The following EXT2 variants were observed in gnomAD, a reference collection of about 807,000 sequenced individuals.
The protein encoded by EXT2 is exostosin-2.
EXT2 carries 53 observed loss-of-function variants against 81.6 expected under a neutral mutation model. The observed-to-expected ratio is 0.65, with a 90% CI of 0.52 to 0.82. EXT2 has a LOEUF of 0.82. Ranked by LOEUF, EXT2 falls within the 40% of genes least tolerant of loss-of-function variation. The pLI, the probability that EXT2 is intolerant of heterozygous loss-of-function variation, is 0.00. For synonymous variants in EXT2, 320 were observed against 340.0 expected (o/e 0.94, Z 0.65); for missense variants, 774 against 910.2 (o/e 0.85, Z 1.93).
intron 1 of EXT2, among the ~76,000 whole-genome samples, chr11:44,107,319 G>A (rs949472670): frequency 2.0e-5 from 3 of 152,156 alleles, no homozygotes; most frequent in African/African-American, 7.2e-5. Flanking sequence ...TAGAGGCTGG[G>A]CGCGGTGGCT....
Position 44,173,655 on chromosome 11 carries a change from G to A in EXT2, c.1305+1913G>A, listed in dbSNP as rs377276869. 4.5e-4 allele frequency among the ~76,000 whole-genome samples: 62 copies of A among 137,956 alleles called. 1 individual carries two copies. In the East Asian group the frequency reaches 5.3e-3, roughly 12 times the overall value. The allele number at this position is 137,956 out of a possible 152,430, so 90.5% of individuals were successfully genotyped here. A position where few individuals can be genotyped will look rare whatever the true frequency, so the allele number is the denominator to read the frequency against. ...GCAATGCCGGCTCACTGCAAGTTCC[G>A]CCTTCTGGGTTCACACCATTCTCCT... is the stretch of plus-strand genomic sequence containing the variant. On this transcript the variant is annotated intron_variant, in intron 8 of 13. Transcript: ENST00000533608.
chr11:44,217,490 C>T (rs942667141), intron 10 of EXT2, among the ~76,000 whole-genome samples: 25 of 152,204 alleles, frequency 1.6e-4, no homozygotes, highest in African/African-American at 5.5e-4. Flanking sequence ...ATGATCTTCT[C>T]TGGCCCTGTG....
At chr11:44,231,698 A>G (rs974536121) in intron 10 of EXT2, among the ~76,000 whole-genome samples, 3 of 152,178 alleles carry the variant, frequency 2.0e-5, no homozygotes, top group African/African-American at 7.2e-5. Context: ...GGTTAGACTA[A>G]ATTATACAGA....
At chr11:44,199,113 A>C (rs886955785) in intron 9 of EXT2, among the ~76,000 whole-genome samples, 3 of 152,248 alleles carry the variant, frequency 2.0e-5, no homozygotes, top group Non-Finnish European at 4.4e-5. Context: ...TTTAAAAATT[A>C]ACTTTCTATG....
intron 7 of EXT2, among the ~76,000 whole-genome samples, chr11:44,167,330 G>A (rs563468087): frequency 6.6e-6 from 1 of 152,216 alleles, no homozygotes; most frequent in Non-Finnish European, 1.5e-5. Context: ...CAGCAGTTGG[G>A]AATGTAGTGA....
At chr11:44,117,685 G>T (rs1272207448) in intron 4 of EXT2, among the ~76,000 whole-genome samples, 3 of 152,206 alleles carry the variant, frequency 2.0e-5, no homozygotes, top group Non-Finnish European at 2.9e-5. Context: ...TATTATGCCA[G>T]TACTACATTG....
chr11:44,198,251 A>G (rs1955482087), intron 9 of EXT2: 1 of 572,870 alleles, frequency 1.7e-6, no homozygotes, highest in South Asian at 2.0e-5. Flanking sequence ...CAACAGGATC[A>G]AAGGCTATCA....
intron 8 of EXT2, among the ~76,000 whole-genome samples, chr11:44,186,305 A>C (rs974071292): frequency 6.6e-6 from 1 of 152,228 alleles, no homozygotes; most frequent in Non-Finnish European, 1.5e-5. Flanking sequence ...ATGAATTATT[A>C]AAAGTATCAG....
chr11:44,210,126 GC>G (rs1243919097), intron 10 of EXT2, among the ~76,000 whole-genome samples: 2 of 152,192 alleles, frequency 1.3e-5, no homozygotes, highest in African/African-American at 2.4e-5. Context: ...CATATGACCA[GC>G]CATTCTTCCC....
At chr11:44,119,258 A>G (rs546848563) in intron 4 of EXT2, among the ~76,000 whole-genome samples, 9 of 150,370 alleles carry the variant, frequency 6.0e-5, no homozygotes, top group South Asian at 4.3e-4. Context: ...TCCAGTTACT[A>G]TGATTTGCCA....
chr11:44,145,982 C>T (rs780663649), intron 7 of EXT2, among the ~76,000 whole-genome samples: 80 of 152,216 alleles, frequency 5.3e-4, no homozygotes, highest in Non-Finnish European at 9.6e-4. Flanking sequence ...ATACCACAGA[C>T]GGGGTGGCTT....
chr11:44,125,749 G>A (rs139516574), intron 5 of EXT2, among the ~76,000 whole-genome samples: 150 of 151,938 alleles, frequency 9.9e-4, no homozygotes, highest in African/African-American at 3.5e-3. Flanking sequence ...AAAAAGTGCT[G>A]CACTCCTCCT....
rs1213262561 is a variant in EXT2, at chr11:44,249,943, ACC to A, written c.*5657_*5658del. ...GAATTAGCCGGGCATAGTGGCAGGC[ACC>A]TGTAGCCCCAGCTACTCGGGAGGCT... On this transcript the variant is annotated 3_prime_UTR_variant, in exon 14 of 14. Transcript: ENST00000533608. Among the ~76,000 whole-genome samples the A allele has an allele frequency of 6.6e-6, 1 of 152,160 alleles. No homozygotes were observed. The highest frequency in any genetic ancestry group is 1.9e-4 in the East Asian group (1 of 5,178).
chr11:44,195,115 G>C (rs1482022028), intron 8 of EXT2, among the ~76,000 whole-genome samples: 2 of 152,168 alleles, frequency 1.3e-5, no homozygotes, highest in African/African-American at 2.4e-5. Flanking sequence ...GTGATGTCAT[G>C]GAAACAGAAG....
chr11:44,170,847 CACACACACA>C (rs1565220569), intron 7 of EXT2, among the ~76,000 whole-genome samples: 1 of 143,822 alleles, frequency 7.0e-6, no homozygotes, highest in Non-Finnish European at 1.5e-5. Context: ...CACACACACA[CACACACACA>C]CCAATCCACC....
intron 13 of EXT2, among the ~76,000 whole-genome samples, chr11:44,239,963 T>C (rs1393602050): frequency 1.3e-5 from 2 of 152,174 alleles, no homozygotes; most frequent in Non-Finnish European, 2.9e-5. Flanking sequence ...CATATCCTTC[T>C]TTATAGTTTA....
intron 4 of EXT2, 112 bp from the exon 5 acceptor site, chr11:44,124,677 G>T (rs1482476260): frequency 2.5e-6 from 2 of 798,402 alleles, no homozygotes; most frequent in South Asian, 2.9e-5. Flanking sequence ...ATCAGTGGAG[G>T]TGAAGACTGG....
At chr11:44,159,495 CTT>C (rs968410260) in intron 7 of EXT2, among the ~76,000 whole-genome samples, 3 of 151,922 alleles carry the variant, frequency 2.0e-5, no homozygotes, top group Admixed American at 2.0e-4. Flanking sequence ...CTTTTTTATT[CTT>C]TCTTAGAATT....
At chr11:44,186,319 A>G (rs550824698) in intron 8 of EXT2, among the ~76,000 whole-genome samples, 2 of 152,336 alleles carry the variant, frequency 1.3e-5, no homozygotes, top group South Asian at 4.1e-4. Context: ...GTATCAGCAT[A>G]TGGAACCCTC....
Sources: gnomAD v4.1 joint callset for allele counts (sites outside exome capture counted in the v4.1 genomes callset) on GRCh38, gnomAD v4.1.1 for gene constraint, MANE v1.5 for transcripts, NCBI Gene and HGNC (gene_info 2026-07-23, HGNC 2026-07-21) for gene names.